The following NAP1L1 variants were observed in gnomAD, a reference collection of about 807,000 sequenced individuals.
NAP1L1 encodes nucleosome assembly protein 1 like 1.
A neutral mutation model predicts 58.9 loss-of-function variants in NAP1L1; 9 were observed. The ratio of observed to expected loss-of-function variants is 0.15; its 90% CI spans 0.09 to 0.27. The LOEUF is 0.27. NAP1L1 is among the 10% of genes least tolerant of loss of function. The pLI is 1.00. For missense variants in NAP1L1, 302 were observed against 458.8 expected (o/e 0.66, Z 3.12); for synonymous variants, 130 against 138.3 (o/e 0.94, Z 0.42).
At chr12:76,079,607 T>A (rs1273349785) in intron 1 of NAP1L1, among the ~76,000 whole-genome samples, 2 of 151,470 alleles carry the variant, frequency 1.3e-5, no homozygotes, top group African/African-American at 4.8e-5. Context: ...GGTCACTTTA[T>A]AATAAAAGGT....
intron 2 of NAP1L1, among the ~76,000 whole-genome samples, chr12:76,070,683 T>C (rs1949914111): frequency 6.6e-6 from 1 of 152,116 alleles, no homozygotes; most frequent in African/African-American, 2.4e-5. Flanking sequence ...CAGAGTTGAG[T>C]ACAGTCATCC....
intron 4 of NAP1L1, among the ~76,000 whole-genome samples, chr12:76,066,149 CAAACA>C: frequency 7.6e-6 from 1 of 132,286 alleles, no homozygotes; most frequent in Non-Finnish European, 1.7e-5. Context: ...AACAAACAAA[CAAACA>C]AACCTGGCTC....
intron 4 of NAP1L1, among the ~76,000 whole-genome samples, chr12:76,064,925 C>T (rs1333186003): frequency 5.3e-5 from 8 of 151,950 alleles, no homozygotes; most frequent in East Asian, 1.9e-4. Context: ...TTTCAGGAAA[C>T]GAAAAATTTT....
intron 4 of NAP1L1, among the ~76,000 whole-genome samples, chr12:76,061,599 G>T (rs1455734791): frequency 1.3e-5 from 2 of 152,116 alleles, no homozygotes; most frequent in African/African-American, 4.8e-5. Context: ...TACACACTAG[G>T]TTATGAGTCT....
rs1948917923 is a variant in NAP1L1 at position 76,053,119 on chromosome 12, T to C, written c.917-9A>G. 1 of 1,612,132 alleles carries C rather than the reference T, an allele frequency of 6.2e-7. No individual in the cohort carries two copies. The highest frequency in any genetic ancestry group is 1.1e-5 in the South Asian group (1 of 90,726). ...ATCTCCACTCTCAGGAACTGCAAAA[T>C]TGAGAAAAGAAATTACAATGAATAA... is the stretch of plus-strand genomic sequence containing the variant. On this transcript the variant is annotated splice_polypyrimidine_tract_variant and intron_variant, in intron 10 of 14. Transcript: ENST00000618691.
Position 76,057,635 on chromosome 12 carries a change from A to G in NAP1L1, c.430-1474T>C, listed in dbSNP as rs1949177552. ...GCTGATTACCTACTTTGAGTCCTTTATTGTGGAGTCTGTTCATTACCAATA... is the reference window on the plus strand; with the variant it reads ...GCTGATTACCTACTTTGAGTCCTTTGTTGTGGAGTCTGTTCATTACCAATA... On this transcript the variant is annotated intron_variant, in intron 6 of 14. Transcript: ENST00000618691. 2.2e-6 allele frequency: 3 copies of G among 1,360,722 alleles called. No homozygotes were observed. The Admixed American group carries it at 5.7e-5, about 26-fold the overall frequency. 84.3% of individuals were successfully genotyped at this position (1,360,722 alleles called of 1,614,324 possible). A position where few individuals can be genotyped will look rare whatever the true frequency, so the allele number is the denominator to read the frequency against.
chr12:76,078,385 GAC>G (rs1950279224), intron 1 of NAP1L1, among the ~76,000 whole-genome samples: 1 of 152,010 alleles, frequency 6.6e-6, no homozygotes, highest in African/African-American at 2.4e-5. Flanking sequence ...GGTATATTCA[GAC>G]ACCTGTATAT....
rs932977329 is a variant in NAP1L1, at chr12:76,041,720, T to A, written c.*6709A>T. 6.6e-6 allele frequency: 1 copy of A among 152,232 alleles called. No individual in the cohort carries two copies. The allele number at this position is 152,232 out of a possible 1,614,324, so 9.4% of individuals were successfully genotyped here. A position where few individuals can be genotyped will look rare whatever the true frequency, so the allele number is the denominator to read the frequency against. Reference sequence around the variant, plus strand: ...AACATAGTGAGAATCATCTCAAAGATAATAAAAATAAAACTTTGTTGACTG... The same window carrying A: ...AACATAGTGAGAATCATCTCAAAGAAAATAAAAATAAAACTTTGTTGACTG... On this transcript the variant is annotated 3_prime_UTR_variant, in exon 15 of 15. Transcript: ENST00000618691.
Position 76,056,106 on chromosome 12 carries a change from T to C in NAP1L1, c.485A>G (p.Glu162Gly). The C allele has an allele frequency of 6.2e-7, 1 of 1,613,088 alleles. No individual in the cohort carries two copies. The highest frequency in any genetic ancestry group is 8.5e-7 in the Non-Finnish European group (1 of 1,179,608). ...AAATTCAGGAATTCCTTTGGGGTCTTCTTTTTCTTCATCTTTTTTCTCATC... is the reference window on the plus strand; with the variant it reads ...AAATTCAGGAATTCCTTTGGGGTCTCCTTTTTCTTCATCTTTTTTCTCATC... ...IEDEKKDEEKEDPKGIPEFWL... is the reference protein window; with the variant it reads ...IEDEKKDEEKGDPKGIPEFWL... The change falls in exon 7 of 15, where the codon GAA becomes GGA. Residue 162 changes from glutamate to glycine, a missense_variant. Glu to Gly is a moderately conservative substitution (Grantham distance 98). Coordinates refer to ENST00000618691, the MANE Select transcript of NAP1L1 (RefSeq NM_004537.7).
chr12:76,070,645 T>C (rs1330460730), intron 2 of NAP1L1, among the ~76,000 whole-genome samples: 1 of 152,210 alleles, frequency 6.6e-6, no homozygotes, highest in Non-Finnish European at 1.5e-5. Context: ...ACTACATTTA[T>C]GTATTGTCTG....
At chr12:76,057,952 G>C in intron 6 of NAP1L1, 1 of 1,019,834 alleles carries the variant, frequency 9.8e-7, no homozygotes, top group Non-Finnish European at 1.5e-6. Context: ...TTTTGAAATT[G>C]ATCTTAAATC....
chr12:76,073,318 GCT>G (rs1334495321), intron 2 of NAP1L1, among the ~76,000 whole-genome samples: 5 of 152,070 alleles, frequency 3.3e-5, no homozygotes, highest in Non-Finnish European at 5.9e-5. Flanking sequence ...ACTCCCAAGT[GCT>G]CTATTTTAAC....
chr12:76,076,664 A>G (rs933230644), intron 1 of NAP1L1, among the ~76,000 whole-genome samples: 2 of 150,786 alleles, frequency 1.3e-5, no homozygotes, highest in Admixed American at 1.3e-4. Flanking sequence ...AAACCTAACC[A>G]GAGTAACCTA....
chr12:76,070,370 A>T (rs981307140), intron 2 of NAP1L1, among the ~76,000 whole-genome samples: 9 of 152,258 alleles, frequency 5.9e-5, no homozygotes, highest in African/African-American at 2.2e-4. Context: ...CGCCTTCCAA[A>T]ATCCTGGGAT....
intron 3 of NAP1L1, 174 bp downstream of exon 3, chr12:76,068,735 T>TACACACACACACACACACACACAC (rs35120003): frequency 2.5e-4 from 73 of 294,968 alleles, no homozygotes; most frequent in African/African-American, 4.0e-4. Flanking sequence ...ACCCGCCCCT[T>TACACACACACACACACACACACAC]ACACACACAC....
In NAP1L1 at chr12:76,045,635, G is replaced by A. The variant is rs1450492450; in HGVS notation, c.*2794C>T. Reference sequence around the variant, plus strand: ...TAAGGTATTTTTGCAATCTAAAATAGTGATGCTAATACTGCTTCAGTAAGC... The same window carrying A: ...TAAGGTATTTTTGCAATCTAAAATAATGATGCTAATACTGCTTCAGTAAGC... On this transcript the variant is annotated 3_prime_UTR_variant, in exon 15 of 15. Transcript: ENST00000618691. 2 of 152,032 alleles carry A rather than the reference G, an allele frequency of 1.3e-5. No homozygotes were observed. Among genetic ancestry groups the A allele is most frequent in the Non-Finnish European group, 2.9e-5 (2 of 67,904 alleles). The allele number at this position is 152,032 out of a possible 1,614,324, so 9.4% of individuals were successfully genotyped here. A position where few individuals can be genotyped will look rare whatever the true frequency, so the allele number is the denominator to read the frequency against.
chr12:76,079,228 T>C (rs930162395), intron 1 of NAP1L1, among the ~76,000 whole-genome samples: 1 of 152,114 alleles, frequency 6.6e-6, no homozygotes, highest in Admixed American at 6.5e-5. Flanking sequence ...AAAACATCTT[T>C]TAAGAATGAA....
Position 76,038,706 on chromosome 12 carries a change from C to G in NAP1L1, c.*9723G>C, listed in dbSNP as rs1302865156. On this transcript the variant is annotated 3_prime_UTR_variant, in exon 15 of 15. Coordinates refer to ENST00000618691, the MANE Select transcript of NAP1L1 (RefSeq NM_004537.7). The stretch of plus-strand genomic sequence containing the variant: ...TCAGAAAGGTGGAATAACACTTTTA[C>G]AAGAAGATAAAACCCAGGAAATGTT... The G allele has an allele frequency of 6.6e-6, 1 of 152,076 alleles. No individual in the cohort carries two copies. The highest frequency in any genetic ancestry group is 1.5e-5 in the Non-Finnish European group (1 of 68,024). The allele number at this position is 152,076 out of a possible 1,614,324, so 9.4% of individuals were successfully genotyped here.
In NAP1L1 at chr12:76,044,719, T is replaced by C. The variant is rs1948582031; in HGVS notation, c.*3710A>G. 1 of 152,212 alleles carries C rather than the reference T, an allele frequency of 6.6e-6. No homozygotes were observed. Among genetic ancestry groups the C allele is most frequent in the African/African-American group, 2.4e-5 (1 of 41,460 alleles). 9.4% of individuals were successfully genotyped at this position (152,212 alleles called of 1,614,324 possible). A position where few individuals can be genotyped will look rare whatever the true frequency, so the allele number is the denominator to read the frequency against. On this transcript the variant is annotated 3_prime_UTR_variant, in exon 15 of 15. Transcript: ENST00000618691. The stretch of plus-strand genomic sequence containing the variant: ...TTGTAAACTGGAAAACCTGACAATA[T>C]GATGTCAAAAGGAAGAAACACAAGA...
Sources: allele counts gnomAD v4.1 joint callset (sites outside exome capture counted in the v4.1 genomes callset), GRCh38; gene constraint gnomAD v4.1.1; transcripts MANE v1.5; gene names NCBI Gene and HGNC (gene_info 2026-07-23, HGNC 2026-07-21).